The following ATAD5 variants were observed in gnomAD, a reference collection of about 807,000 sequenced individuals.
ATAD5 encodes the protein ATPase family AAA domain-containing protein 5.
A neutral mutation model predicts 176.9 loss-of-function variants in ATAD5; 58 were observed. That is an observed-to-expected ratio of 0.33 (90% confidence interval 0.27 to 0.41). The LOEUF is 0.41. ATAD5 is among the 10% of genes least tolerant of loss of function. The pLI is 1.00. For synonymous variants in ATAD5, 640 were observed against 712.6 expected (o/e 0.90, Z 1.62); for missense variants, 1,789 against 2,094.1 (o/e 0.85, Z 2.84).
At position 30,894,729 on chromosome 17, in the gene ATAD5, G is replaced by C. The variant is rs191864047; in HGVS notation, c.5456+7G>C. 8.2e-4 allele frequency: 1,307 copies of C among 1,591,928 alleles called. 7 individuals are homozygous for C. The highest frequency in any genetic ancestry group is 4.6e-3 in the Middle Eastern group (27 of 5,918). On this transcript the variant is annotated splice_region_variant and intron_variant, in intron 22 of 22. Transcript: ENST00000321990. ...AAGGAAAAAGTAAAAGAAGGTAAAG[G>C]CTTTATTAAAAACAACATTTTAGAT...
chr17:30,892,399 T>G (rs1441562163), intron 19 of ATAD5, among the ~76,000 whole-genome samples: 3 of 148,064 alleles, frequency 2.0e-5, no homozygotes, highest in Non-Finnish European at 3.0e-5. Context: ...CAATTCAGCC[T>G]GGGTGATAGA....
intron 6 of ATAD5, among the ~76,000 whole-genome samples, chr17:30,853,014 C>T (rs186810770): frequency 3.8e-4 from 57 of 151,946 alleles, no homozygotes; most frequent in Non-Finnish European, 4.3e-4. Flanking sequence ...CTCAGCCTCC[C>T]GAGTAGCTGG....
At chr17:30,885,227 T>C (rs1399939634) in intron 18 of ATAD5, among the ~76,000 whole-genome samples, 3 of 152,168 alleles carry the variant, frequency 2.0e-5, no homozygotes, top group Non-Finnish European at 4.4e-5. Context: ...GTCACCTAGG[T>C]TGGAGGGCAG....
intron 19 of ATAD5, among the ~76,000 whole-genome samples, chr17:30,890,971 A>G (rs1276583026): frequency 3.3e-5 from 5 of 152,146 alleles, no homozygotes; most frequent in Non-Finnish European, 5.9e-5. Flanking sequence ...ATGCTTTTCT[A>G]TAGAATAGAA....
At position 30,869,556 on chromosome 17, in the gene ATAD5, G is replaced by A. The variant is rs1206051321; in HGVS notation, c.3517G>A (p.Glu1173Lys). The change falls in exon 14 of 23, where the codon GAA (glutamate) becomes AAA (lysine). Residue 1173 changes from glutamate to lysine, a missense_variant. Glu to Lys is a moderately conservative substitution (Grantham distance 56, BLOSUM62 1). Coordinates refer to ENST00000321990, the MANE Select transcript of ATAD5 (RefSeq NM_024857.5). ...TAGACAAATTCTATCTCAGTTGAAG[G>A]AAGCTACTCAGTCCCATCAAGTAGA... ...SGRQILSQLK[E>K]ATQSHQVDKQ... is the part of the protein sequence containing the mutation. The A allele has an allele frequency of 3.7e-6, 6 of 1,611,704 alleles. No individual in the cohort carries two copies. The highest frequency in any genetic ancestry group is 4.2e-6 in the Non-Finnish European group (5 of 1,179,560).
intron 3 of ATAD5, 65 bp downstream of exon 3, chr17:30,837,379 C>A: frequency 1.9e-6 from 2 of 1,066,046 alleles, no homozygotes; most frequent in East Asian, 2.7e-5. Context: ...AACAAAAAAC[C>A]CCCACATTAC....
At chr17:30,864,533 T>C (rs1907857650) in intron 10 of ATAD5, 2 of 152,240 alleles carry the variant, frequency 1.3e-5, no homozygotes, top group African/African-American at 4.8e-5. Context: ...CCAGTGTCTT[T>C]TTTGTTGTTG....
At chr17:30,836,362 A>G (rs1367815463) in intron 2 of ATAD5, among the ~76,000 whole-genome samples, 5 of 151,718 alleles carry the variant, frequency 3.3e-5, no homozygotes, top group African/African-American at 1.2e-4. Context: ...TATTTTTAGT[A>G]GACATGGGGT....
intron 3 of ATAD5, among the ~76,000 whole-genome samples, chr17:30,838,744 C>A (rs938055599): frequency 6.6e-6 from 1 of 152,190 alleles, no homozygotes; most frequent in African/African-American, 2.4e-5. Context: ...GCCTCATGTA[C>A]TACTTAAAAT....
rs766781109 is a variant in ATAD5 at position 30,856,933 on chromosome 17, A to G, written c.2636-22A>G. The G allele has an allele frequency of 6.5e-6, 10 of 1,550,290 alleles. 1 individual carries two copies. The South Asian group carries it at 1.1e-4, about 17-fold the overall frequency. On this transcript the variant is annotated intron_variant, in intron 7 of 22. Transcript: ENST00000321990. Reference sequence around the variant, plus strand: ...TAGTGTATAAATAAGGTTTATTAAGATATTTGTCTATTTTTCTTTAGGGTG... The same window carrying G: ...TAGTGTATAAATAAGGTTTATTAAGGTATTTGTCTATTTTTCTTTAGGGTG...
chr17:30,894,462 A>G (rs1253733650), intron 21 of ATAD5, 102 bp from the exon 22 acceptor site: 2 of 1,112,912 alleles, frequency 1.8e-6, no homozygotes, highest in African/African-American at 3.1e-5. Context: ...TGGAAATGTC[A>G]TCTGGTCTAG....
intron 6 of ATAD5, among the ~76,000 whole-genome samples, chr17:30,846,961 T>C (rs1906546107): frequency 6.6e-6 from 1 of 151,598 alleles, no homozygotes; most frequent in African/African-American, 2.4e-5. Flanking sequence ...TCAGGTGATC[T>C]GGCCCCCTCA....
Position 30,835,883 on chromosome 17 carries a change from G to A in ATAD5, c.1802G>A (p.Ser601Asn), listed in dbSNP as rs373615036. 1 of 1,613,928 alleles carries A rather than the reference G, an allele frequency of 6.2e-7. No homozygotes were observed. The highest frequency in any genetic ancestry group is 8.5e-7 in the Non-Finnish European group (1 of 1,180,014). The change falls in exon 2 of 23, where the codon AGC becomes AAC. Residue 601 changes from serine (S) to asparagine (N), a missense_variant. Physicochemically the swap from Ser to Asn is conservative, Grantham distance 46. Around this residue, in one of 6 missense-constraint regions of ATAD5, gnomAD observed 696 missense variants for 712.5 expected, o/e 0.98. Coordinates refer to ENST00000321990, the MANE Select transcript of ATAD5 (RefSeq NM_024857.5). ...PKSTRRSGRI[S>N]STPTTETIRG... ...TCAACTAGAAGATCTGGAAGAATTA[G>A]CAGCACACCTACTACAGAAACCATT... is the stretch of plus-strand genomic sequence containing the variant.
intron 18 of ATAD5, among the ~76,000 whole-genome samples, chr17:30,885,446 T>C (rs1448733530): frequency 6.6e-6 from 1 of 152,148 alleles, no homozygotes; most frequent in African/African-American, 2.4e-5. Flanking sequence ...TGTTGCCTTA[T>C]TTCATTGGGT....
chr17:30,865,869 TGTA>T, intron 11 of ATAD5, 69 bp downstream of exon 11: 1 of 1,043,194 alleles, frequency 9.6e-7, no homozygotes, highest in South Asian at 1.8e-5. Context: ...GTTTCGAAAT[TGTA>T]GTTACAAAGT....
At chr17:30,880,481 G>T (rs1908947298) in intron 18 of ATAD5, among the ~76,000 whole-genome samples, 1 of 152,094 alleles carries the variant, frequency 6.6e-6, no homozygotes, top group South Asian at 2.1e-4. Context: ...GGTGGCGCAT[G>T]CCTGTAATCC....
intron 10 of ATAD5, among the ~76,000 whole-genome samples, chr17:30,863,370 ATT>A (rs575025587): frequency 3.5e-5 from 5 of 142,798 alleles, no homozygotes; most frequent in South Asian, 2.2e-4. Flanking sequence ...TACTTTATGT[ATT>A]TTTTTTTTTT....
chr17:30,894,239 T>A lies in ATAD5; in HGVS notation c.5297+89T>A, dbSNP rs1598005244. ...GTTTTTTCTTAATTTAAAAATGCTG[T>A]ACTATTGATCATGGTAAGCCCTTAA... On this transcript the variant is annotated intron_variant, in intron 21 of 22. Coordinates refer to ENST00000321990, the MANE Select transcript of ATAD5 (RefSeq NM_024857.5). 1.6e-5 allele frequency: 18 copies of A among 1,147,536 alleles called. No homozygotes were observed. The East Asian group carries it at 4.3e-4, about 27-fold the overall frequency. 71.1% of individuals were successfully genotyped at this position (1,147,536 alleles called of 1,614,324 possible).
At chr17:30,893,024 T>G (rs1909719620) in intron 20 of ATAD5, among the ~76,000 whole-genome samples, 1 of 152,180 alleles carries the variant, frequency 6.6e-6, no homozygotes. Context: ...ATAGACTATT[T>G]CAGAAAAGTG....
Sources: gnomAD v4.1 joint callset for allele counts (sites outside exome capture counted in the v4.1 genomes callset) on GRCh38, gnomAD v4.1.1 for gene constraint, gnomAD v4.1.1 regional missense constraint, MANE v1.5 for transcripts, NCBI Gene and HGNC (gene_info 2026-07-23, HGNC 2026-07-21) for gene names.